SEMA6D: variants seen among roughly 807,000 people sequenced by gnomAD.
The protein encoded by SEMA6D is semaphorin-6D.
A neutral mutation model predicts 106.6 loss-of-function variants in SEMA6D; 35 were observed. That is an observed-to-expected ratio of 0.33 (90% confidence interval 0.25 to 0.44). The LOEUF is 0.44. Ranked by LOEUF, SEMA6D falls within the 20% of genes least tolerant of loss-of-function variation. The pLI is 1.00. For synonymous variants in SEMA6D, 499 were observed against 487.7 expected (o/e 1.02, Z -0.31); for missense variants, 1,185 against 1,345.9 (o/e 0.88, Z 1.87).
intron 2 of SEMA6D, among the ~76,000 whole-genome samples, chr15:47,441,737 T>C (rs893758786): frequency 6.6e-6 from 1 of 152,104 alleles, no homozygotes; most frequent in Non-Finnish European, 1.5e-5. Flanking sequence ...CCAACCATAA[T>C]ATTGTATGAA....
At chr15:47,616,887 A>G (rs1457910053) in intron 4 of SEMA6D, among the ~76,000 whole-genome samples, 1 of 152,152 alleles carries the variant, frequency 6.6e-6, no homozygotes, top group Non-Finnish European at 1.5e-5. Flanking sequence ...AGCATTGCAC[A>G]TATGTTGAGA....
intron 4 of SEMA6D, among the ~76,000 whole-genome samples, chr15:47,681,517 C>T (rs1359603883): frequency 6.6e-6 from 1 of 152,146 alleles, no homozygotes; most frequent in Non-Finnish European, 1.5e-5. Flanking sequence ...ATTTCTAGAG[C>T]TGTACTGTAC....
chr15:47,242,369 A>C (rs565429139), intron 1 of SEMA6D, among the ~76,000 whole-genome samples: 11 of 152,252 alleles, frequency 7.2e-5, no homozygotes, highest in Non-Finnish European at 1.6e-4. Flanking sequence ...TGCTTTACCA[A>C]GGTTTTAAAT....
rs2079340942 is a variant in SEMA6D at position 47,720,257 on chromosome 15, C to CTTTCTTTT, written c.-55+2569_-55+2576dup. 3.6e-5 allele frequency among the ~76,000 whole-genome samples: 5 copies of CTTTCTTTT among 139,718 alleles called. No individual in the cohort carries two copies. The South Asian group carries it at 1.2e-3, about 33-fold the overall frequency. 91.7% of individuals were successfully genotyped at this position (139,718 alleles called of 152,430 possible). A position where few individuals can be genotyped will look rare whatever the true frequency, so the allele number is the denominator to read the frequency against. On this transcript the variant is annotated intron_variant, in intron 1 of 18. Coordinates refer to ENST00000536845, the MANE Select transcript of SEMA6D (RefSeq NM_001358351.3). ...CTCGTAGGGATGCTATATCAATAACCTTTCTTTTTTTTTTTTTTTTTTTTT... is the reference window on the plus strand; with the variant it reads ...CTCGTAGGGATGCTATATCAATAACCTTTCTTTTTTTCTTTTTTTTTTTTTTTTTTTTT...
At chr15:47,536,034 T>G (rs1383757702) in intron 3 of SEMA6D, among the ~76,000 whole-genome samples, 1 of 152,164 alleles carries the variant, frequency 6.6e-6, no homozygotes, top group African/African-American at 2.4e-5. Context: ...GATTTGGATT[T>G]TATTTGGTTG....
At chr15:47,345,714 C>G (rs2038018347) in intron 1 of SEMA6D, among the ~76,000 whole-genome samples, 1 of 152,028 alleles carries the variant, frequency 6.6e-6, no homozygotes, top group Non-Finnish European at 1.5e-5. Flanking sequence ...AATAATAAAG[C>G]TGAGTTAAAG....
chr15:47,441,408 G>T (rs1207943329), intron 2 of SEMA6D, among the ~76,000 whole-genome samples: 6 of 152,118 alleles, frequency 3.9e-5, no homozygotes, highest in Non-Finnish European at 8.8e-5. Flanking sequence ...GGAACAAGGT[G>T]TATTGAGAAA....
intron 1 of SEMA6D, among the ~76,000 whole-genome samples, chr15:47,332,164 A>G (rs1365372337): frequency 6.6e-6 from 1 of 152,214 alleles, no homozygotes; most frequent in East Asian, 1.9e-4. Context: ...TGGTAATTCT[A>G]CTTTTCCTTA....
intron 1 of SEMA6D, among the ~76,000 whole-genome samples, chr15:47,290,665 C>T (rs201086194): frequency 1.3e-5 from 2 of 151,762 alleles, no homozygotes; most frequent in East Asian, 3.9e-4. Context: ...TTTAGAGTGA[C>T]ATCCTTTCTG....
At chr15:47,247,560 C>A (rs1225625346) in intron 1 of SEMA6D, among the ~76,000 whole-genome samples, 2 of 152,154 alleles carry the variant, frequency 1.3e-5, no homozygotes, top group African/African-American at 4.8e-5. Context: ...TGAATATTCA[C>A]TTCAGCTGAC....
chr15:47,370,683 TAAAA>T (rs376454672), intron 1 of SEMA6D, among the ~76,000 whole-genome samples: 1,799 of 95,150 alleles, frequency 0.019, 35 homozygotes, highest in Non-Finnish European at 0.027. Context: ...CGTCTCTACT[TAAAA>T]AAAAAAAAAA....
intron 1 of SEMA6D, among the ~76,000 whole-genome samples, chr15:47,286,209 A>G (rs573022009): frequency 3.9e-5 from 6 of 152,190 alleles, no homozygotes; most frequent in Non-Finnish European, 7.3e-5. Context: ...AGATTCTTCC[A>G]GTCTACAGAG....
chr15:47,243,250 A>C (rs1009988518), intron 1 of SEMA6D, among the ~76,000 whole-genome samples: 3 of 152,136 alleles, frequency 2.0e-5, no homozygotes. Context: ...ACTGTTGCGC[A>C]TACCCAGACT....
intron 4 of SEMA6D, among the ~76,000 whole-genome samples, chr15:47,708,129 C>T (rs2078948314): frequency 6.6e-6 from 1 of 152,194 alleles, no homozygotes; most frequent in African/African-American, 2.4e-5. Context: ...CGGCTTGAGA[C>T]AGCTTGAGAG....
chr15:47,519,840 A>G (rs74011494), intron 3 of SEMA6D, among the ~76,000 whole-genome samples: 1,913 of 152,340 alleles, frequency 0.013, 43 homozygotes, highest in African/African-American at 0.044. Context: ...TGTGAGGCCT[A>G]TGAAGTTCTT....
At chr15:47,419,807 G>T (rs2041093754) in intron 2 of SEMA6D, among the ~76,000 whole-genome samples, 1 of 152,128 alleles carries the variant, frequency 6.6e-6, no homozygotes, top group Non-Finnish European at 1.5e-5. Flanking sequence ...CTTTCAGGAA[G>T]TATGAGGCCA....
intron 4 of SEMA6D, among the ~76,000 whole-genome samples, chr15:47,609,741 T>A (rs1157947637): frequency 6.6e-6 from 1 of 152,220 alleles, no homozygotes; most frequent in African/African-American, 2.4e-5. Context: ...AGTCCATAAC[T>A]GTAAATGTGC....
chr15:47,291,619 C>T (rs2035596155), intron 1 of SEMA6D, among the ~76,000 whole-genome samples: 1 of 152,168 alleles, frequency 6.6e-6, no homozygotes, highest in African/African-American at 2.4e-5. Flanking sequence ...CTGGTACCAA[C>T]TTCACTCCCA....
rs1414252143 is a variant in SEMA6D, at chr15:47,461,702, G to T, written c.-158-8772G>T. Among the ~76,000 whole-genome samples the T allele has an allele frequency of 5.3e-5, 8 of 152,010 alleles. No homozygotes were observed. In the East Asian group the frequency reaches 1.5e-3, roughly 29 times the overall value. On this transcript the variant is annotated intron_variant, in intron 2 of 19. Transcript: ENST00000558014. ...GCTCTTCAATGAGTCATTCTATTTG[G>T]AATGGAAAATCTAGTCCTCATATGT...
Sources: gnomAD v4.1 joint callset for allele counts (sites outside exome capture counted in the v4.1 genomes callset) on GRCh38, gnomAD v4.1.1 for gene constraint, MANE v1.5 for transcripts, NCBI Gene and HGNC (gene_info 2026-07-23, HGNC 2026-07-21) for gene names.